MINDY3: variants seen among roughly 807,000 people sequenced by gnomAD.
MINDY3 encodes ubiquitin carboxyl-terminal hydrolase MINDY-3.
In MINDY3, 38 loss-of-function variants were observed where a neutral mutation model predicts 69.2. The observed-to-expected ratio is 0.55, with a 90% CI of 0.42 to 0.72. MINDY3 has a LOEUF of 0.72. Ranked by LOEUF, MINDY3 falls within the 30% of genes least tolerant of loss-of-function variation. The pLI, the probability that MINDY3 is intolerant of heterozygous loss-of-function variation, is 0.00. For synonymous variants in MINDY3, 192 were observed against 180.1 expected (o/e 1.07, Z -0.53); for missense variants, 522 against 519.0 (o/e 1.01, Z -0.06).
At chr10:15,801,039 T>C (rs951652013) in intron 10 of MINDY3, among the ~76,000 whole-genome samples, 3 of 152,170 alleles carry the variant, frequency 2.0e-5, no homozygotes, top group Non-Finnish European at 4.4e-5. Context: ...GCTTTAAAAA[T>C]ATCAAGGTAA....
chr10:15,789,300 A>G lies in MINDY3; in HGVS notation c.975T>C (p.Asp325=), dbSNP rs772502569. The G allele has an allele frequency of 3.5e-5, 57 of 1,611,226 alleles. No homozygotes were observed. The highest frequency in any genetic ancestry group is 4.8e-5 in the Non-Finnish European group (56 of 1,178,218). The change falls in exon 12 of 15, where the codon GAT becomes GAC. Residue 325 remains aspartate, a synonymous_variant. Transcript: ENST00000277632. ...YDPEDNGFIP[D]SLLEDVMKAL... is the part of the protein sequence containing the mutation. The stretch of plus-strand genomic sequence containing the variant: ...CTTTCATCACATCTTCCAGAAGTGA[A>G]TCGGGTATGAATCCATTATCTAGGG...
Position 15,828,834 on chromosome 10 carries a change from G to A in MINDY3, c.730+4796C>T, listed in dbSNP as rs146870450. Among the ~76,000 whole-genome samples the A allele has an allele frequency of 6.5e-3, 995 of 152,262 alleles. 5 individuals are homozygous for A. Among genetic ancestry groups the A allele is most frequent in the South Asian group, 0.023 (113 of 4,826 alleles). ...TCAGCATTTACTGGACTTGTTTCCT[G>A]CTCTGACAACATAGTAGGAGGCAGG... On this transcript the variant is annotated intron_variant, in intron 8 of 14. Coordinates refer to ENST00000277632, the MANE Select transcript of MINDY3 (RefSeq NM_024948.4).
chr10:15,859,324 A>G (rs1834918756), intron 1 of MINDY3, among the ~76,000 whole-genome samples: 1 of 152,162 alleles, frequency 6.6e-6, no homozygotes, highest in Non-Finnish European at 1.5e-5. Flanking sequence ...TTTTAATAAT[A>G]ATAGTGTTTT....
chr10:15,824,683 C>T (rs1839976637), intron 8 of MINDY3, among the ~76,000 whole-genome samples: 1 of 152,180 alleles, frequency 6.6e-6, no homozygotes, highest in Non-Finnish European at 1.5e-5. Flanking sequence ...AACAGTTTCA[C>T]AATTTAATTT....
chr10:15,786,824 G>C (rs1837008239), intron 12 of MINDY3, among the ~76,000 whole-genome samples, 176 bp from the exon 13 acceptor site: 1 of 152,028 alleles, frequency 6.6e-6, no homozygotes. Flanking sequence ...GCCAAACTTG[G>C]TTATTTTTAA....
chr10:15,843,758 G>C (rs1348892970), intron 2 of MINDY3, among the ~76,000 whole-genome samples: 2 of 152,014 alleles, frequency 1.3e-5, no homozygotes, highest in East Asian at 3.9e-4. Flanking sequence ...AACTCAAAAA[G>C]GTACAAGATT....
At chr10:15,858,410 G>C (rs1301267577) in intron 1 of MINDY3, among the ~76,000 whole-genome samples, 1 of 152,152 alleles carries the variant, frequency 6.6e-6, no homozygotes, top group African/African-American at 2.4e-5. Context: ...TATTGTAATT[G>C]TCAGGAAAAA....
At chr10:15,847,547 C>A (rs902015272) in intron 2 of MINDY3, among the ~76,000 whole-genome samples, 13 of 152,122 alleles carry the variant, frequency 8.5e-5, no homozygotes, top group Non-Finnish European at 1.9e-4. Flanking sequence ...TTGTACCTAT[C>A]TAGTGTATAA....
chr10:15,791,423 G>GAATA (rs1352360781), intron 11 of MINDY3, among the ~76,000 whole-genome samples: 1 of 151,834 alleles, frequency 6.6e-6, no homozygotes, highest in African/African-American at 2.4e-5. Flanking sequence ...AAATCTCAGA[G>GAATA]AATACCATTT....
intron 8 of MINDY3, among the ~76,000 whole-genome samples, chr10:15,824,832 A>G (rs2132017938): frequency 6.6e-6 from 1 of 152,344 alleles, no homozygotes; most frequent in South Asian, 2.1e-4. Flanking sequence ...TGGGTAATGA[A>G]CTATTTAGAT....
chr10:15,834,462 T>C (rs1378063993), intron 7 of MINDY3, 81 bp downstream of exon 7: 1 of 957,774 alleles, frequency 1.0e-6, no homozygotes, highest in East Asian at 2.4e-5. Context: ...CAAAATTACT[T>C]GACTCAGTCA....
At chr10:15,848,067 AGGTGTGGATC>A in intron 1 of MINDY3, 124 bp from the exon 2 acceptor site, 1 of 753,192 alleles carries the variant, frequency 1.3e-6, no homozygotes, top group South Asian at 1.7e-5. Flanking sequence ...TCAAATCATG[AGGTGTGGATC>A]AAGGAACCTT....
At chr10:15,848,566 G>A (rs546062298) in intron 1 of MINDY3, among the ~76,000 whole-genome samples, 14 of 146,718 alleles carry the variant, frequency 9.5e-5, no homozygotes, top group South Asian at 2.2e-4. Flanking sequence ...CCTAGCAGGC[G>A]GAGCTTGCAC....
At chr10:15,835,574 G>A (rs899238296) in intron 6 of MINDY3, among the ~76,000 whole-genome samples, 3 of 152,010 alleles carry the variant, frequency 2.0e-5, no homozygotes, top group Non-Finnish European at 2.9e-5. Context: ...CCATTTTAAA[G>A]ACCAGGTCAA....
chr10:15,805,509 G>A (rs1208981912), intron 10 of MINDY3, among the ~76,000 whole-genome samples: 1 of 152,138 alleles, frequency 6.6e-6, no homozygotes, highest in East Asian at 1.9e-4. Flanking sequence ...ATCACCTAGT[G>A]ATACAAGGTA....
At chr10:15,857,031 C>A (rs1326214000) in intron 1 of MINDY3, among the ~76,000 whole-genome samples, 3 of 152,168 alleles carry the variant, frequency 2.0e-5, no homozygotes, top group Non-Finnish European at 4.4e-5. Context: ...TTGCTTCAAA[C>A]CTTCGAAGGA....
chr10:15,821,820 A>G (rs555013662), intron 8 of MINDY3, 94 bp from the exon 9 acceptor site: 2 of 945,116 alleles, frequency 2.1e-6, no homozygotes, highest in African/African-American at 3.3e-5. Context: ...ATATATTTAT[A>G]CTACACCAAA....
chr10:15,798,464 G>GT (rs35810825), intron 10 of MINDY3, among the ~76,000 whole-genome samples: 3,355 of 141,714 alleles, frequency 0.024, 113 homozygotes, highest in African/African-American at 0.067. Context: ...AGTGCCAAGT[G>GT]TTTTTTTTTT....
intron 10 of MINDY3, among the ~76,000 whole-genome samples, chr10:15,799,255 A>G (rs776895550): frequency 1.1e-4 from 16 of 152,132 alleles, no homozygotes; most frequent in Admixed American, 2.0e-4. Context: ...GCTGGAGTGC[A>G]GTGGTGTGAT....
Sources: gnomAD v4.1 joint callset for allele counts (sites outside exome capture counted in the v4.1 genomes callset) on GRCh38, gnomAD v4.1.1 for gene constraint, MANE v1.5 for transcripts, NCBI Gene and HGNC (gene_info 2026-07-23, HGNC 2026-07-21) for gene names.